The following CNTNAP2 variants were observed in gnomAD, a reference collection of about 807,000 sequenced individuals.
CNTNAP2 encodes contactin-associated protein-like 2.
In CNTNAP2, 98 loss-of-function variants were observed where a neutral mutation model predicts 155.2. That is an observed-to-expected ratio of 0.63 (90% CI 0.54 to 0.75). CNTNAP2 has a LOEUF of 0.75. CNTNAP2 is among the 30% of genes least tolerant of loss of function. The pLI, the probability that CNTNAP2 is intolerant of heterozygous loss-of-function variation, is 0.00. For synonymous variants in CNTNAP2, 651 were observed against 631.2 expected, an observed-to-expected ratio of 1.03 and a Z score of -0.47; for missense variants, 1,727 against 1,688.1, an observed-to-expected ratio of 1.02 and a Z score of -0.40.
chr7:146,819,395 A>T (rs1349198370), intron 2 of CNTNAP2, among the ~76,000 whole-genome samples: 1 of 152,058 alleles, frequency 6.6e-6, no homozygotes, highest in Non-Finnish European at 1.5e-5. Context: ...TGATACAGTG[A>T]CCACTTCCTC....
intron 3 of CNTNAP2, among the ~76,000 whole-genome samples, chr7:147,021,050 T>C (rs1798809167): frequency 6.6e-6 from 1 of 152,124 alleles, no homozygotes; most frequent in South Asian, 2.1e-4. Context: ...CATGATTACA[T>C]AAGGAATCAC....
chr7:146,772,887 T>C (rs1802320650), intron 1 of CNTNAP2, among the ~76,000 whole-genome samples: 1 of 152,066 alleles, frequency 6.6e-6, no homozygotes, highest in South Asian at 2.1e-4. Flanking sequence ...TCACTTACAG[T>C]TTGAAAAGTG....
At chr7:146,296,320 A>G (rs959787093) in intron 1 of CNTNAP2, among the ~76,000 whole-genome samples, 9 of 152,116 alleles carry the variant, frequency 5.9e-5, no homozygotes, top group African/African-American at 2.2e-4. Context: ...GGGCTACTTC[A>G]GAGCCTGTGA....
At chr7:147,613,996 A>G (rs1801236971) in intron 12 of CNTNAP2, among the ~76,000 whole-genome samples, 1 of 152,216 alleles carries the variant, frequency 6.6e-6, no homozygotes, top group Non-Finnish European at 1.5e-5. Context: ...TGAATAAACA[A>G]TTTTAAATTT....
rs183161602 is a variant in CNTNAP2 at position 146,700,422 on chromosome 7, A to G, written c.98-73849A>G. Among the ~76,000 whole-genome samples, 100 of 152,284 alleles carry G rather than the reference A, an allele frequency of 6.6e-4. 2 individuals are homozygous for G. In the East Asian group the frequency reaches 0.018, roughly 27 times the overall value. The stretch of plus-strand genomic sequence containing the variant: ...TTCTAAACTCTTTAAAAGTCAGATA[A>G]GACTAATCTTGTTTTTTAAATTAAA... On this transcript the variant is annotated intron_variant, in intron 1 of 23. Transcript: ENST00000361727.
chr7:147,783,341 C>T (rs895091684), intron 13 of CNTNAP2, among the ~76,000 whole-genome samples: 10 of 152,130 alleles, frequency 6.6e-5, no homozygotes, highest in Admixed American at 4.6e-4. Context: ...TTTGCAAGCA[C>T]ATTTTAAGTT....
In CNTNAP2 at chr7:147,379,097, T is replaced by C. The variant is rs373616027; in HGVS notation, c.1499-16512T>C. On this transcript the variant is annotated intron_variant, in intron 9 of 23. Coordinates refer to ENST00000361727, the MANE Select transcript of CNTNAP2 (RefSeq NM_014141.6). Reference sequence around the variant, plus strand: ...TGCCTCCATGTGAAGAAGGGTGTGTTTGCTTCCCCTTCCGCCATGATTATA... The same window carrying C: ...TGCCTCCATGTGAAGAAGGGTGTGTCTGCTTCCCCTTCCGCCATGATTATA... 3.3e-3 allele frequency among the ~76,000 whole-genome samples: 500 copies of C among 152,088 alleles called. 1 individual carries two copies. The highest frequency in any genetic ancestry group is 0.012 in the African/African-American group (490 of 41,510).
chr7:147,013,595 T>A (rs950279260), intron 3 of CNTNAP2, among the ~76,000 whole-genome samples: 2 of 152,088 alleles, frequency 1.3e-5, no homozygotes, highest in Non-Finnish European at 2.9e-5. Context: ...GATCTAGTTC[T>A]CTTTCTGCCT....
intron 8 of CNTNAP2, among the ~76,000 whole-genome samples, chr7:147,241,636 GAA>G (rs773697991): frequency 3.3e-4 from 21 of 63,130 alleles, no homozygotes; most frequent in Non-Finnish European, 5.3e-4. Context: ...TCAAAAAAAG[GAA>G]AAAAAAAAAA....
At chr7:147,966,853 G>A (rs1248404926) in intron 14 of CNTNAP2, among the ~76,000 whole-genome samples, 2 of 152,124 alleles carry the variant, frequency 1.3e-5, no homozygotes, top group African/African-American at 2.4e-5. Flanking sequence ...AGAGTGAGGA[G>A]GAGTGTGAAC....
In CNTNAP2 at chr7:146,466,273, A is replaced by G. The variant is rs1224266865; in HGVS notation, c.98-307998A>G. On this transcript the variant is annotated intron_variant, in intron 1 of 23. Transcript: ENST00000361727. ...GAGGATCTGAGAGGTGAGAATTCTGACTTTCATGTGAGTGGCTGGGAGTGG... is the reference window on the plus strand; with the variant it reads ...GAGGATCTGAGAGGTGAGAATTCTGGCTTTCATGTGAGTGGCTGGGAGTGG... Among the ~76,000 whole-genome samples the G allele has an allele frequency of 6.6e-5, 10 of 152,144 alleles. No individual in the cohort carries two copies. In the East Asian group the frequency reaches 1.9e-3, roughly 29 times the overall value.
intron 10 of CNTNAP2, among the ~76,000 whole-genome samples, chr7:147,432,044 G>A (rs553515551): frequency 2.6e-4 from 40 of 152,184 alleles, no homozygotes; most frequent in African/African-American, 8.9e-4. Context: ...TCTGACCTGC[G>A]CCCCTTGTTT....
At chr7:147,882,527 A>C (rs2538991) in intron 13 of CNTNAP2, among the ~76,000 whole-genome samples, 80,676 of 151,998 alleles carry the variant, frequency 0.53, 21,548 homozygotes, top group East Asian at 0.61. Context: ...TGTCAACATT[A>C]CCCTTGCAGA....
chr7:146,948,054 G>C (rs1797228618), intron 3 of CNTNAP2, among the ~76,000 whole-genome samples: 1 of 151,836 alleles, frequency 6.6e-6, no homozygotes, highest in Non-Finnish European at 1.5e-5. Flanking sequence ...AGTGTATTTT[G>C]TCAAATGAGC....
chr7:148,284,631 G>T (rs1384460468), intron 21 of CNTNAP2, among the ~76,000 whole-genome samples: 1 of 151,194 alleles, frequency 6.6e-6, no homozygotes, highest in African/African-American at 2.4e-5. Context: ...AAATCTCATG[G>T]TGCTTCCTAT....
At chr7:146,408,538 C>T (rs1795823986) in intron 1 of CNTNAP2, among the ~76,000 whole-genome samples, 1 of 148,682 alleles carries the variant, frequency 6.7e-6, no homozygotes, top group African/African-American at 2.5e-5. Context: ...AAACCAAACA[C>T]TGCATGTTCT....
intron 8 of CNTNAP2, among the ~76,000 whole-genome samples, chr7:147,198,895 G>C (rs1802863169): frequency 6.7e-6 from 1 of 148,752 alleles, no homozygotes; most frequent in African/African-American, 2.5e-5. Context: ...AGCTGAGCCA[G>C]AATTTAACAA....
chr7:146,175,583 T>C (rs911250688), intron 1 of CNTNAP2, among the ~76,000 whole-genome samples: 2 of 152,216 alleles, frequency 1.3e-5, no homozygotes, highest in Non-Finnish European at 1.5e-5. Context: ...TTGCCATTAA[T>C]TTTAGAATCT....
At chr7:148,369,383 G>C (rs974135502) in intron 21 of CNTNAP2, among the ~76,000 whole-genome samples, 2 of 150,656 alleles carry the variant, frequency 1.3e-5, no homozygotes, top group Non-Finnish European at 3.0e-5. Flanking sequence ...CACTACACCC[G>C]GCTAATTTGT....
Sources: gnomAD v4.1 joint callset for allele counts (sites outside exome capture counted in the v4.1 genomes callset) on GRCh38, gnomAD v4.1.1 for gene constraint, MANE v1.5 for transcripts, NCBI Gene and HGNC (gene_info 2026-07-23, HGNC 2026-07-21) for gene names.